Variants in LARS1 observed in about 807,000 individuals in gnomAD.
LARS1 encodes leucyl-tRNA synthetase 1, also known as leucine--tRNA ligase, cytoplasmic.
A neutral mutation model predicts 162.8 loss-of-function variants in LARS1; 100 were observed. That is an observed-to-expected ratio of 0.61 (90% confidence interval 0.52 to 0.73). The LOEUF is 0.73. Ranked by LOEUF, LARS1 falls within the 30% of genes least tolerant of loss-of-function variation. The probability of loss-of-function intolerance (pLI) is 0.00; values close to 1 mark genes in which losing one functional copy is unlikely to be tolerated. For missense variants in LARS1, 1,258 were observed against 1,408.9 expected, an observed-to-expected ratio of 0.89 and a Z score of 1.71; for synonymous variants, 457 against 462.8, an observed-to-expected ratio of 0.99 and a Z score of 0.16.
At chr5:146,130,698 A>G (rs1911112) in intron 24 of LARS1, 50,179 of 214,608 alleles carry the variant, frequency 0.23, 7,129 homozygotes, top group Admixed American at 0.34. Context: ...ATGGCAATTA[A>G]TTACAATTTT....
intron 28 of LARS1, among the ~76,000 whole-genome samples, chr5:146,124,617 T>C (rs1194807516): frequency 2.6e-5 from 4 of 151,932 alleles, no homozygotes; most frequent in Non-Finnish European, 5.9e-5. Context: ...AAACATGGCA[T>C]GTAAAAAATA....
At chr5:146,120,242 C>T in intron 31 of LARS1, 129 bp downstream of exon 31, 1 of 993,140 alleles carries the variant, frequency 1.0e-6, no homozygotes, top group South Asian at 1.5e-5. Flanking sequence ...TGATTCTGAT[C>T]CCAGTACTTT....
At position 146,142,675 on chromosome 5, in the gene LARS1, T is replaced by C. The variant is rs1288472185; in HGVS notation, c.2090+197A>G. The C allele has an allele frequency of 3.1e-5, 16 of 517,910 alleles. No homozygotes were observed. In the Admixed American group the frequency reaches 5.7e-4, roughly 18 times the overall value. 32.1% of individuals were successfully genotyped at this position (517,910 alleles called of 1,614,324 possible). ...CTGAGATATGACATGCTTTGGTGCC[T>C]GGGGTAGGTATGTGGATTTCTGGAT... On this transcript the variant is annotated intron_variant, in intron 20 of 31. Transcript: ENST00000394434.
At chr5:146,114,690 C>T (rs542981241) in intron 31 of LARS1, among the ~76,000 whole-genome samples, 6 of 152,146 alleles carry the variant, frequency 3.9e-5, no homozygotes, top group African/African-American at 1.2e-4. Flanking sequence ...GTGCCAAGAT[C>T]GCACCATTGC....
At chr5:146,131,282 CACA>C (rs978662514) in intron 23 of LARS1, 173 bp from the exon 24 acceptor site, 3 of 452,764 alleles carry the variant, frequency 6.6e-6, no homozygotes, top group Non-Finnish European at 1.2e-5. Flanking sequence ...AACTGCTCAA[CACA>C]ACACCATCTT....
At position 146,126,497 on chromosome 5, in the gene LARS1, C is replaced by T; in HGVS notation, c.2929G>A (p.Gly977Ser). The T allele has an allele frequency of 3.7e-6, 6 of 1,612,398 alleles. No individual in the cohort carries two copies. The highest frequency in any genetic ancestry group is 5.1e-6 in the Non-Finnish European group (6 of 1,178,878). The change falls in exon 28 of 32, where the codon GGC becomes AGC. Residue 977 changes from glycine (G) to serine (S), a missense_variant. Transcript: ENST00000394434. ...TATTTCTTCAGTTCTGGCATACTGCCTAGTTCACTAGCAATGACTTTGTTG... is the reference window on the plus strand; with the variant it reads ...TATTTCTTCAGTTCTGGCATACTGCTTAGTTCACTAGCAATGACTTTGTTG... ...PDNKVIASELGSMPELKKYMK... is the reference protein window; with the variant it reads ...PDNKVIASELSSMPELKKYMK...
At chr5:146,153,269 T>A (rs1753372837) in intron 12 of LARS1, 42 bp from the exon 13 acceptor site, 1 of 1,345,282 alleles carries the variant, frequency 7.4e-7, no homozygotes, top group Non-Finnish European at 1.1e-6. Context: ...ATCAACACTT[T>A]ACTGGGAGAA....
In LARS1 at chr5:146,171,038, G is replaced by A. The variant is rs937409576; in HGVS notation, c.294+872C>T. Among the ~76,000 whole-genome samples the A allele has an allele frequency of 2.0e-5, 3 of 151,884 alleles. No individual in the cohort carries two copies. The East Asian group carries it at 5.9e-4, about 30-fold the overall frequency. On this transcript the variant is annotated intron_variant, in intron 4 of 31. Transcript: ENST00000394434. ...ATTGTACTACCATTCCACTTTTTCT[G>A]TAGGATTGACATTCTTTAAAATAAA...
Position 146,164,485 on chromosome 5 carries a change from A to C in LARS1, c.433-14T>G. Reference sequence around the variant, plus strand: ...AGCAGCTTTACTCTGAAAATAATGGAGAAAAATAAACTCGATCAAAGAATA... The same window carrying C: ...AGCAGCTTTACTCTGAAAATAATGGCGAAAAATAAACTCGATCAAAGAATA... On this transcript the variant is annotated splice_polypyrimidine_tract_variant and intron_variant, in intron 5 of 31. Coordinates refer to ENST00000394434, the MANE Select transcript of LARS1 (RefSeq NM_020117.11). 1 of 1,611,674 alleles carries C rather than the reference A, an allele frequency of 6.2e-7. No homozygotes were observed. The highest frequency in any genetic ancestry group is 1.1e-5 in the South Asian group (1 of 90,610).
chr5:146,157,446 T>G lies in LARS1; in HGVS notation c.1022A>C (p.Lys341Thr). The G allele has an allele frequency of 6.2e-7, 1 of 1,614,206 alleles. No individual in the cohort carries two copies. The change falls in exon 10 of 32, where the codon AAA becomes ACA. Residue 341 changes from lysine to threonine, a missense_variant. Coordinates refer to ENST00000394434, the MANE Select transcript of LARS1 (RefSeq NM_020117.11). ...AACAACAGGCACCACGCCATTGTCTTTGGTAAAGCCCTGGTATGACATATT... is the reference window on the plus strand; with the variant it reads ...AACAACAGGCACCACGCCATTGTCTGTGGTAAAGCCCTGGTATGACATATT... ...ARNMSYQGFT[K>T]DNGVVPVVKE...
At chr5:146,135,976 A>C (rs907230251) in intron 21 of LARS1, among the ~76,000 whole-genome samples, 3 of 152,326 alleles carry the variant, frequency 2.0e-5, no homozygotes, top group East Asian at 1.9e-4. Context: ...TAACTCTAGA[A>C]CACCACCTGG....
intron 4 of LARS1, among the ~76,000 whole-genome samples, chr5:146,171,403 T>C (rs1162482375): frequency 2.0e-5 from 3 of 151,944 alleles, no homozygotes; most frequent in African/African-American, 7.2e-5. Flanking sequence ...TGTTGGAGAA[T>C]AAAAAGAAAT....
rs749147336 is a variant in LARS1, at chr5:146,143,560, A to G, written c.1739-10T>C. 1.2e-6 allele frequency: 2 copies of G among 1,611,934 alleles called. No individual in the cohort carries two copies. Among genetic ancestry groups the G allele is most frequent in the Admixed American group, 3.3e-5 (2 of 59,942 alleles). On this transcript the variant is annotated splice_polypyrimidine_tract_variant and intron_variant, in intron 18 of 31. Coordinates refer to ENST00000394434, the MANE Select transcript of LARS1 (RefSeq NM_020117.11). ...CAAGGCAGGTGAGTGCCTGAAAAAT[A>G]AAAAGTAACGCATGAGGAACCTGAG...
chr5:146,162,213 C>G (rs1415050497), intron 6 of LARS1, among the ~76,000 whole-genome samples: 1 of 152,202 alleles, frequency 6.6e-6, no homozygotes, highest in Non-Finnish European at 1.5e-5. Flanking sequence ...CCAGATCCAT[C>G]AGAGGAATTA....
intron 30 of LARS1, among the ~76,000 whole-genome samples, chr5:146,120,988 C>T (rs1331465986): frequency 2.0e-5 from 3 of 152,008 alleles, no homozygotes; most frequent in Non-Finnish European, 4.4e-5. Context: ...AGTCCAGAAC[C>T]CTGTTTATTA....
chr5:146,135,901 T>C (rs746705996), intron 21 of LARS1, among the ~76,000 whole-genome samples: 33 of 152,254 alleles, frequency 2.2e-4, no homozygotes, highest in Non-Finnish European at 4.4e-4. Flanking sequence ...ACCTCCAGAC[T>C]CACACTCAGT....
rs1208734202 is a variant in LARS1 at position 146,144,475 on chromosome 5, T to C, written c.1652A>G (p.Glu551Gly). 2.5e-6 allele frequency: 4 copies of C among 1,613,246 alleles called. No homozygotes were observed. The highest frequency in any genetic ancestry group is 2.5e-6 in the Non-Finnish European group (3 of 1,179,758). ...KQTSQCLKNL[E>G]TFCEETRRNF... ...TCATCACTTTCTCCCATCTTACGTT[T>C]CCAGGTTCTTCAAGCACTGAGATGT... The change falls in exon 17 of 32, where the codon GAA (glutamate) becomes GGA (glycine). Residue 551 changes from glutamate to glycine, a missense_variant. Coordinates refer to ENST00000394434, the MANE Select transcript of LARS1 (RefSeq NM_020117.11).
chr5:146,134,226 T>C (rs1485265317), intron 22 of LARS1, among the ~76,000 whole-genome samples: 4 of 152,172 alleles, frequency 2.6e-5, no homozygotes, highest in African/African-American at 9.7e-5. Flanking sequence ...TCTGACCCCA[T>C]AGGGCTCATT....
At chr5:146,182,198 C>T (rs1754902517) in intron 1 of LARS1, 1 of 436,460 alleles carries the variant, frequency 2.3e-6, no homozygotes, top group Non-Finnish European at 4.2e-6. Flanking sequence ...GCCTCGGCCT[C>T]CCAAAGTGCT....
Sources: gnomAD v4.1 joint callset for allele counts (sites outside exome capture counted in the v4.1 genomes callset) on GRCh38, gnomAD v4.1.1 for gene constraint, MANE v1.5 for transcripts, NCBI Gene and HGNC (gene_info 2026-07-23, HGNC 2026-07-21) for gene names.